Variants in ANKRD24 observed in about 807,000 individuals in gnomAD.
ANKRD24 encodes the protein ankyrin repeat domain-containing protein 24.
A neutral mutation model predicts 127.8 loss-of-function variants in ANKRD24; 109 were observed. That is an observed-to-expected ratio of 0.85 (90% confidence interval 0.73 to 1.00). The LOEUF (loss-of-function observed/expected upper bound fraction) is 1.00, where lower values mean the gene tolerates loss of function less well. Among genes scored for constraint, ANKRD24 ranks in the 50% least tolerant of loss-of-function variants. The probability of loss-of-function intolerance (pLI) is 0.00; values close to 1 mark genes in which losing one functional copy is unlikely to be tolerated. For missense variants in ANKRD24, 1,648 were observed against 1,570.2 expected, an observed-to-expected ratio of 1.05 and a Z score of -0.84; for synonymous variants, 743 against 671.1, an observed-to-expected ratio of 1.11 and a Z score of -1.66.
At position 4,224,764 on chromosome 19, in the gene ANKRD24, T is replaced by A. The variant is rs1007172240; in HGVS notation, c.*259T>A. 3.8e-6 allele frequency: 2 copies of A among 530,680 alleles called. No individual in the cohort carries two copies. The highest frequency in any genetic ancestry group is 6.8e-6 in the Non-Finnish European group (2 of 294,880). 32.9% of individuals were successfully genotyped at this position (530,680 alleles called of 1,614,324 possible). On this transcript the variant is annotated 3_prime_UTR_variant, in exon 22 of 22. Coordinates refer to ENST00000318934, the MANE Select transcript of ANKRD24 (RefSeq NM_001393985.1). ...CCACCGGAGACTGTGATTCCCTGTG[T>A]CCTCCACATCCAGACGCCAGCCCAG...
At chr19:4,221,015 G>C (rs777031863) in intron 19 of ANKRD24, among the ~76,000 whole-genome samples, 43 of 151,636 alleles carry the variant, frequency 2.8e-4, no homozygotes, top group Non-Finnish European at 5.0e-4. Context: ...TCCTGCCTCA[G>C]CCTCCTGAGT....
In ANKRD24 at chr19:4,215,969, T is replaced by TC; in HGVS notation, c.1198-3dup. The TC allele has an allele frequency of 6.3e-7, 1 of 1,576,364 alleles. No homozygotes were observed. Among genetic ancestry groups the TC allele is most frequent in the Non-Finnish European group, 8.6e-7 (1 of 1,162,216 alleles). On this transcript the variant is annotated splice_polypyrimidine_tract_variant and intron_variant, in intron 15 of 21. Coordinates refer to ENST00000318934, the MANE Select transcript of ANKRD24 (RefSeq NM_001393985.1). ...GAACCCCGAGCTGGACTCTGCTCCC[T>TC]CCCCCCAGAACGAGCGGGAGAATAC... is the stretch of plus-strand genomic sequence containing the variant.
Position 4,219,455 on chromosome 19 carries a change from G to A in ANKRD24, c.3004-136G>A, listed in dbSNP as rs574927055. ...GCACTCCAGCCAGGAGTGCAGGTCCGGAGCAACAGAGCAAGACCCTGTCTT... is the reference window on the plus strand; with the variant it reads ...GCACTCCAGCCAGGAGTGCAGGTCCAGAGCAACAGAGCAAGACCCTGTCTT... On this transcript the variant is annotated intron_variant, in intron 18 of 21. Transcript: ENST00000318934. 57 of 972,550 alleles carry A rather than the reference G, an allele frequency of 5.9e-5. No individual in the cohort carries two copies. The African/African-American group carries it at 6.5e-4, about 11-fold the overall frequency. 60.2% of individuals were successfully genotyped at this position (972,550 alleles called of 1,614,324 possible). A position where few individuals can be genotyped will look rare whatever the true frequency, so the allele number is the denominator to read the frequency against.
chr19:4,184,484 G>C (rs1163359617), intron 1 of ANKRD24, among the ~76,000 whole-genome samples: 4 of 152,184 alleles, frequency 2.6e-5, no homozygotes, highest in African/African-American at 9.7e-5. Flanking sequence ...CCCACTTGCC[G>C]GCCTGTGCCC....
intron 12 of ANKRD24, 29 bp from the exon 13 acceptor site, chr19:4,210,236 T>C (rs1969635950): frequency 1.9e-6 from 3 of 1,562,920 alleles, no homozygotes; most frequent in Non-Finnish European, 2.6e-6. Flanking sequence ...TTAGGCCCCA[T>C]CTAAAGGCCG....
In ANKRD24 at chr19:4,202,013, T is replaced by C. The variant is rs774684996; in HGVS notation, c.344-13T>C. 7.4e-6 allele frequency: 12 copies of C among 1,613,566 alleles called. No homozygotes were observed. The Admixed American group carries it at 8.3e-5, about 11-fold the overall frequency. ...ATAGCTGGAGCTCCAGTAAATCTTC[T>C]TTCCTTCCCCAGGTTACAATGCCCT... is the stretch of plus-strand genomic sequence containing the variant. On this transcript the variant is annotated splice_polypyrimidine_tract_variant and intron_variant, in intron 5 of 21. Coordinates refer to ENST00000318934, the MANE Select transcript of ANKRD24 (RefSeq NM_001393985.1).
chr19:4,209,936 G>A, intron 11 of ANKRD24, 122 bp from the exon 12 acceptor site: 1 of 491,698 alleles, frequency 2.0e-6, no homozygotes, highest in South Asian at 2.1e-5. Context: ...GGCAGGGGCT[G>A]CTGGTTCCAT....
chr19:4,191,349 C>A (rs1968374696), intron 2 of ANKRD24, among the ~76,000 whole-genome samples: 1 of 152,136 alleles, frequency 6.6e-6, no homozygotes, highest in African/African-American at 2.4e-5. Flanking sequence ...ACCTTGTGTT[C>A]CGTGTCTTCT....
At position 4,204,896 on chromosome 19, in the gene ANKRD24, G is replaced by A. The variant is rs897532624; in HGVS notation, c.466+1970G>A. ...GCGGGCAGATTAGCAGAGGTCAGGAGTTCGAGAATAGCCTGGCCAACATGG... is the reference window on the plus strand; with the variant it reads ...GCGGGCAGATTAGCAGAGGTCAGGAATTCGAGAATAGCCTGGCCAACATGG... On this transcript the variant is annotated intron_variant, in intron 7 of 21. Transcript: ENST00000318934. Among the ~76,000 whole-genome samples, 15 of 152,272 alleles carry A rather than the reference G, an allele frequency of 9.9e-5. No individual in the cohort carries two copies. In the South Asian group the frequency reaches 2.7e-3, roughly 27 times the overall value.
chr19:4,209,972 G>A, intron 11 of ANKRD24, 86 bp from the exon 12 acceptor site: 1 of 741,104 alleles, frequency 1.3e-6, no homozygotes. Context: ...GGCCATGGCT[G>A]GGGCTGGCTG....
At position 4,210,143 on chromosome 19, in the gene ANKRD24, G is replaced by C. The variant is rs1382274001; in HGVS notation, c.951+5G>C. 6.2e-7 allele frequency: 1 copy of C among 1,604,802 alleles called. No homozygotes were observed. The highest frequency in any genetic ancestry group is 1.3e-5 in the African/African-American group (1 of 74,788). On this transcript the variant is annotated splice_donor_5th_base_variant and intron_variant, in intron 12 of 21. Transcript: ENST00000318934. ...CCCGCCAGCATTCCCATGCCGGTGA[G>C]AGATGCTCTGGGCACGGGAGGAGGC...
Position 4,198,466 on chromosome 19 carries a change from G to GA in ANKRD24, c.37-1217_37-1216insA. 1 of 612,890 alleles carries GA rather than the reference G, an allele frequency of 1.6e-6. No individual in the cohort carries two copies. Among genetic ancestry groups the GA allele is most frequent in the African/African-American group, 1.9e-5 (1 of 52,284 alleles). The allele number at this position is 612,890 out of a possible 1,614,324, so 38.0% of individuals were successfully genotyped here. A position where few individuals can be genotyped will look rare whatever the true frequency, so the allele number is the denominator to read the frequency against. Reference sequence around the variant, plus strand: ...GCCGCCTCCTCTTGGAACCCCGTGCGCCCCCCGCGCCCCGCGCCCCGGACG... The same window carrying GA: ...GCCGCCTCCTCTTGGAACCCCGTGCGACCCCCCGCGCCCCGCGCCCCGGACG... On this transcript the variant is annotated intron_variant, in intron 2 of 21. Transcript: ENST00000318934. The surrounding 1 kb of genome is among the most constrained non-coding windows in gnomAD (Gnocchi z 6.1).
intron 11 of ANKRD24, among the ~76,000 whole-genome samples, chr19:4,209,694 C>T (rs963674001): frequency 1.3e-5 from 2 of 152,106 alleles, no homozygotes; most frequent in African/African-American, 4.8e-5. Context: ...CTCAAGTGAT[C>T]ACCCACCTTG....
intron 15 of ANKRD24, among the ~76,000 whole-genome samples, chr19:4,213,095 C>T (rs1176761178): frequency 6.6e-6 from 1 of 152,148 alleles, no homozygotes; most frequent in Non-Finnish European, 1.5e-5. Context: ...CGCACCACTG[C>T]ACTCCAGCCT....
chr19:4,187,776 C>T (rs1032099293), intron 2 of ANKRD24, among the ~76,000 whole-genome samples: 13 of 152,174 alleles, frequency 8.5e-5, no homozygotes, highest in African/African-American at 2.7e-4. Flanking sequence ...ACAACATCCC[C>T]ATCTGGTGTG....
rs1568342380 is a variant in ANKRD24, at chr19:4,217,669, G to C, written c.2509G>C (p.Ala837Pro). The C allele has an allele frequency of 3.1e-6, 4 of 1,286,096 alleles. No homozygotes were observed. The East Asian group carries it at 1.3e-4, about 43-fold the overall frequency. 79.7% of individuals were successfully genotyped at this position (1,286,096 alleles called of 1,614,324 possible). The change falls in exon 18 of 22, where the codon GCC becomes CCC. Residue 837 changes from alanine to proline, a missense_variant. Physicochemically the swap from Ala to Pro is conservative, Grantham distance 27 (BLOSUM62 -1). Transcript: ENST00000318934. ...EEARGLRAELAQREEARLEQS... is the reference protein window; with the variant it reads ...EEARGLRAELPQREEARLEQS... ...GGCGCGGGGCCTGCGGGCCGAGCTG[G>C]CCCAGCGGGAGGAGGCGCGGCTGGA...
At chr19:4,183,383 G>A (rs1599380354) in intron 1 of ANKRD24, 1 of 979,746 alleles carries the variant, frequency 1.0e-6, no homozygotes, top group Non-Finnish European at 1.2e-6. Context: ...TAAGAATCAT[G>A]TGTTGAGTAC....
chr19:4,224,130 G>A lies in ANKRD24; in HGVS notation c.3301G>A (p.Ala1101Thr). The A allele has an allele frequency of 1.2e-6, 2 of 1,612,656 alleles. No individual in the cohort carries two copies. The highest frequency in any genetic ancestry group is 1.7e-6 in the Non-Finnish European group (2 of 1,179,648). The stretch of plus-strand genomic sequence containing the variant: ...CGCCCCTTCCTCATGCCCACAGGAA[G>A]CTGCCAGGGACCACTCCAGCGTGGT... ...VKDLQQQLQE[A>T]ARDHSSVVAL... Residue 1101 changes from alanine to threonine, a missense_variant, in exon 21 of 22, where the codon GCT becomes ACT. By Grantham distance (58) the Ala-to-Thr change is moderately conservative (BLOSUM62 0). Transcript: ENST00000318934.
In ANKRD24 at chr19:4,217,563, G is replaced by C. The variant is rs1174328356; in HGVS notation, c.2403G>C (p.Arg801=). Reference sequence around the variant, plus strand: ...AGGCCCGGGAGGACCTCCGAGACCGGGACTCCCGCCTGCGGGAGCTGGAGG... The same window carrying C: ...AGGCCCGGGAGGACCTCCGAGACCGCGACTCCCGCCTGCGGGAGCTGGAGG... ...LEQAREDLRD[R]DSRLRELEAA... The change falls in exon 18 of 22, where the codon CGG becomes CGC. Residue 801 remains arginine (R), a synonymous_variant. Transcript: ENST00000318934. 7.6e-7 allele frequency: 1 copy of C among 1,315,046 alleles called. No homozygotes were observed. 81.5% of individuals were successfully genotyped at this position (1,315,046 alleles called of 1,614,324 possible). A position where few individuals can be genotyped will look rare whatever the true frequency, so the allele number is the denominator to read the frequency against.
Sources: gnomAD v4.1 joint callset for allele counts (sites outside exome capture counted in the v4.1 genomes callset) on GRCh38, gnomAD v4.1.1 for gene constraint, Gnocchi (gnomAD v3.1) non-coding constraint, MANE v1.5 for transcripts, NCBI Gene and HGNC (gene_info 2026-07-23, HGNC 2026-07-21) for gene names.